ATXN1: variants seen among roughly 807,000 people sequenced by gnomAD.
ATXN1 encodes the protein ataxin 1.
ATXN1 carries 8 observed loss-of-function variants against 56.4 expected under a neutral mutation model. That is an observed-to-expected ratio of 0.14 (90% CI 0.08 to 0.26). The LOEUF is 0.26. ATXN1 is among the 10% of genes least tolerant of loss of function. ATXN1 has a pLI of 1.00. For synonymous variants in ATXN1, 514 were observed against 494.6 expected (o/e 1.04, Z -0.52); for missense variants, 987 against 1,106.5 (o/e 0.89, Z 1.53).
At chr6:16,626,659 T>TA in intron 3 of ATXN1, among the ~76,000 whole-genome samples, 1 of 152,318 alleles carries the variant, frequency 6.6e-6, no homozygotes, top group Non-Finnish European at 1.5e-5. Context: ...ACTGGCTGAA[T>TA]TTTTTCCCCC....
chr6:16,526,064 T>TATATACATATATATATACAC (rs370698828), intron 4 of ATXN1, among the ~76,000 whole-genome samples: 1 of 133,310 alleles, frequency 7.5e-6, no homozygotes, highest in Non-Finnish European at 1.6e-5. Flanking sequence ...TATATATATA[T>TATATACATATATATATACAC]ACATACATAC....
rs1168258980 is a variant in ATXN1 at position 16,301,921 on chromosome 6, G to T, written c.*4408C>A. On this transcript the variant is annotated 3_prime_UTR_variant, in exon 8 of 8. Transcript: ENST00000436367. ...TTCCTTAGTAGTCACAGATGTTAAA[G>T]GGTATTGTCAATCGTTTCCTTAAAA... 1 of 152,682 alleles carries T rather than the reference G, an allele frequency of 6.5e-6. No homozygotes were observed. Among genetic ancestry groups the T allele is most frequent in the Non-Finnish European group, 1.5e-5 (1 of 68,064 alleles). 9.5% of individuals were successfully genotyped at this position (152,682 alleles called of 1,614,324 possible).
At chr6:16,527,019 C>T (rs1376816096) in intron 4 of ATXN1, among the ~76,000 whole-genome samples, 3 of 138,706 alleles carry the variant, frequency 2.2e-5, no homozygotes, top group African/African-American at 8.1e-5. Flanking sequence ...AGGTGAAAAC[C>T]TAAAAAAAAA....
rs1470459731 is a variant in ATXN1 at position 16,326,099 on chromosome 6, T to C, written c.1917+295A>G. Among the ~76,000 whole-genome samples, 1 of 152,190 alleles carries C rather than the reference T, an allele frequency of 6.6e-6. No individual in the cohort carries two copies. Among genetic ancestry groups the C allele is most frequent in the African/African-American group, 2.4e-5 (1 of 41,438 alleles). Reference sequence around the variant, plus strand: ...AGCGTTTCCTAATCAGGGTTCCTCATCTTAATCACAGAATTCAAAAAATAA... The same window carrying C: ...AGCGTTTCCTAATCAGGGTTCCTCACCTTAATCACAGAATTCAAAAAATAA... On this transcript the variant is annotated intron_variant, in intron 7 of 7. Coordinates refer to ENST00000436367, the MANE Select transcript of ATXN1 (RefSeq NM_001128164.2). The surrounding 1 kb of genome is among the most constrained non-coding windows in gnomAD (Gnocchi z 6.6).
At chr6:16,579,632 A>G (rs989222484) in intron 4 of ATXN1, among the ~76,000 whole-genome samples, 3 of 152,124 alleles carry the variant, frequency 2.0e-5, no homozygotes, top group Non-Finnish European at 4.4e-5. Context: ...CGGCATCAGC[A>G]CTGAATTCTT....
At chr6:16,502,350 C>A (rs1001299689) in intron 5 of ATXN1, among the ~76,000 whole-genome samples, 1 of 152,136 alleles carries the variant, frequency 6.6e-6, no homozygotes, top group African/African-American at 2.4e-5. Flanking sequence ...CACTTGACAG[C>A]CAATCTCTTG....
chr6:16,647,700 A>G (rs1763823813), intron 3 of ATXN1, among the ~76,000 whole-genome samples: 1 of 152,236 alleles, frequency 6.6e-6, no homozygotes. Flanking sequence ...ACTTGATGAT[A>G]ATAAACATTT....
At chr6:16,750,439 T>C (rs1429022699) in intron 2 of ATXN1, among the ~76,000 whole-genome samples, 2 of 152,168 alleles carry the variant, frequency 1.3e-5, no homozygotes, top group African/African-American at 4.8e-5. Context: ...AGAAAAAAAC[T>C]GAATGAATAT....
chr6:16,467,064 T>C (rs1428848198), intron 6 of ATXN1, among the ~76,000 whole-genome samples: 1 of 152,026 alleles, frequency 6.6e-6, no homozygotes, highest in Non-Finnish European at 1.5e-5. Context: ...AACAAAGGAA[T>C]GGAAATTTCA....
chr6:16,438,016 C>T (rs1759429362), intron 6 of ATXN1, among the ~76,000 whole-genome samples: 1 of 152,196 alleles, frequency 6.6e-6, no homozygotes, highest in South Asian at 2.1e-4. Context: ...TGGCACTGGT[C>T]CATGAGGCTA....
chr6:16,574,884 G>C (rs1762395536), intron 4 of ATXN1, among the ~76,000 whole-genome samples: 1 of 145,648 alleles, frequency 6.9e-6, no homozygotes, highest in Admixed American at 6.9e-5. Context: ...ATATTTCTTA[G>C]TTTCTGCTAA....
intron 6 of ATXN1, among the ~76,000 whole-genome samples, chr6:16,375,560 G>A (rs1268491141): frequency 2.0e-5 from 3 of 152,172 alleles, no homozygotes; most frequent in Non-Finnish European, 4.4e-5. Context: ...GGACCTAGAT[G>A]GAACCCTTTA....
intron 3 of ATXN1, among the ~76,000 whole-genome samples, chr6:16,642,238 AC>A (rs1763718740): frequency 1.3e-5 from 2 of 152,312 alleles, no homozygotes; most frequent in South Asian, 4.1e-4. Context: ...TACTAAAAAT[AC>A]AAAAAATTAG....
intron 6 of ATXN1, among the ~76,000 whole-genome samples, chr6:16,443,760 T>G (rs1759570943): frequency 6.6e-6 from 1 of 152,108 alleles, no homozygotes; most frequent in Non-Finnish European, 1.5e-5. Flanking sequence ...GTAAAATGAA[T>G]GAAGTTAAGT....
chr6:16,536,140 C>T (rs1489858909), intron 4 of ATXN1, among the ~76,000 whole-genome samples: 3 of 152,052 alleles, frequency 2.0e-5, no homozygotes, highest in Non-Finnish European at 4.4e-5. Flanking sequence ...TTGCTTAAGC[C>T]CCGAAGGTCC....
intron 6 of ATXN1, among the ~76,000 whole-genome samples, chr6:16,367,261 T>C (rs562532483): frequency 6.6e-6 from 1 of 152,106 alleles, no homozygotes; most frequent in South Asian, 2.1e-4. Context: ...GGGGCAGAGA[T>C]GGGAAAGGGG....
chr6:16,404,580 G>A (rs985958314), intron 6 of ATXN1, among the ~76,000 whole-genome samples: 4 of 152,168 alleles, frequency 2.6e-5, no homozygotes, highest in Non-Finnish European at 5.9e-5. Context: ...CTTCCTGCTC[G>A]ACTTTTACCA....
At chr6:16,558,718 A>G (rs1377490539) in intron 4 of ATXN1, among the ~76,000 whole-genome samples, 1 of 152,210 alleles carries the variant, frequency 6.6e-6, no homozygotes, top group Non-Finnish European at 1.5e-5. Context: ...GACAATTTAA[A>G]AATTATAATT....
At chr6:16,586,673 T>C (rs1373701765) in intron 3 of ATXN1, among the ~76,000 whole-genome samples, 1 of 152,238 alleles carries the variant, frequency 6.6e-6, no homozygotes, top group African/African-American at 2.4e-5. Context: ...ATTCTAGTAC[T>C]ATACCATCTC....
Sources: gnomAD v4.1 joint callset for allele counts (sites outside exome capture counted in the v4.1 genomes callset) on GRCh38, gnomAD v4.1.1 for gene constraint, Gnocchi (gnomAD v3.1) non-coding constraint, MANE v1.5 for transcripts, NCBI Gene and HGNC (gene_info 2026-07-23, HGNC 2026-07-21) for gene names.